Variants in ELK1 observed in about 807,000 individuals in gnomAD.
ELK1 encodes ETS transcription factor ELK1.
For missense variants in ELK1, 254 were observed against 381.5 expected (o/e 0.67, Z 2.78); for synonymous variants, 163 against 176.3 (o/e 0.92, Z 0.60).
chrX:47,639,404 G>A (rs979893181), intron 3 of ELK1, 66 bp from the exon 4 acceptor site: 35 of 906,486 alleles, frequency 3.9e-5, no homozygotes, highest in Non-Finnish European at 5.2e-5. Context: ...AGGGTGTCAG[G>A]GGGGAGGAGG....
chrX:47,645,673 G>T (rs144610322), intron 2 of ELK1, among the ~76,000 whole-genome samples: 108 of 112,279 alleles, frequency 9.6e-4, no homozygotes, highest in Non-Finnish European at 1.5e-3. Flanking sequence ...GTGTACAAAG[G>T]CTCTGAGGCA....
rs745980667 is a variant in ELK1, at chrX:47,642,734, G to A, written c.-34-1259C>T. ...ATGCCTCAGCCTCCCGCATAGCTGG[G>A]ATTACAGGTACCCACGACCACGCCC... On this transcript the variant is annotated intron_variant, in intron 2 of 6. Transcript: ENST00000376983. Among the ~76,000 whole-genome samples the A allele has an allele frequency of 3.1e-4, 34 of 110,012 alleles. 1 individual carries two copies. Among genetic ancestry groups the A allele is most frequent in the Non-Finnish European group, 6.1e-4 (32 of 52,743 alleles).
chrX:47,642,829 C>A (rs776077420), intron 2 of ELK1, among the ~76,000 whole-genome samples: 37 of 111,686 alleles, frequency 3.3e-4, no homozygotes, highest in Admixed American at 7.6e-4. Context: ...GAACTCCTGA[C>A]CTCAAGTGAT....
At position 47,637,925 on chromosome X, in the gene ELK1, G is replaced by T. The variant is rs770629454; in HGVS notation, c.912C>A (p.Ser304Arg). ...AGQAGGHAAS[S>R]PEISQPQKGR... The stretch of plus-strand genomic sequence containing the variant: ...CCTTCTGCGGCTGGGAGATCTCAGG[G>T]CTGGAAGCCGCATGGCCGCCCGCCT... The change falls in exon 5 of 7, where the codon AGC (serine) becomes AGA (arginine). Residue 304 changes from serine to arginine, a missense_variant. Coordinates refer to ENST00000376983, the MANE Select transcript of ELK1 (RefSeq NM_001114123.3). 1.7e-6 allele frequency: 2 copies of T among 1,204,820 alleles called. No homozygotes were observed. Among genetic ancestry groups the T allele is most frequent in the South Asian group, 3.6e-5 (2 of 56,269 alleles).
At chrX:47,650,384 C>T (rs752777642) in intron 1 of ELK1, 39 bp downstream of exon 1, 5 of 297,276 alleles carry the variant, frequency 1.7e-5, no homozygotes, top group South Asian at 1.2e-4. Flanking sequence ...TACGTGGGGT[C>T]ACGGACTGGG....
At chrX:47,644,339 C>T (rs753205508) in intron 2 of ELK1, among the ~76,000 whole-genome samples, 1 of 111,397 alleles carries the variant, frequency 9.0e-6, no homozygotes, top group East Asian at 2.8e-4. Context: ...TACTTCTTTC[C>T]ATCTCCTTCA....
intron 6 of ELK1, 26 bp downstream of exon 6, chrX:47,636,987 T>A (rs372203607): frequency 6.7e-6 from 8 of 1,201,980 alleles, no homozygotes; most frequent in Middle Eastern, 2.3e-4. Flanking sequence ...TCTCACCCTG[T>A]CCAAAACGGG....
chrX:47,636,669 A>G lies in ELK1; in HGVS notation c.*160T>C, dbSNP rs1055281570. 7 of 490,806 alleles carry G rather than the reference A, an allele frequency of 1.4e-5. No homozygotes were observed. The highest frequency in any genetic ancestry group is 2.4e-5 in the African/African-American group (1 of 41,441). The allele number at this position is 490,806 out of a possible 1,213,427, so 40.4% of individuals were successfully genotyped here. A position where few individuals can be genotyped will look rare whatever the true frequency, so the allele number is the denominator to read the frequency against. Reference sequence around the variant, plus strand: ...CTGTGTGTTTTCTGTGGAGGAGATAATGAGAGTTACTCTTGGGAGTAATTC... The same window carrying G: ...CTGTGTGTTTTCTGTGGAGGAGATAGTGAGAGTTACTCTTGGGAGTAATTC... On this transcript the variant is annotated 3_prime_UTR_variant, in exon 7 of 7. Transcript: ENST00000376983.
intron 2 of ELK1, among the ~76,000 whole-genome samples, chrX:47,642,667 T>C (rs906809542): frequency 9.2e-6 from 1 of 108,711 alleles, no homozygotes; most frequent in African/African-American, 3.4e-5. Context: ...GGCACAATCT[T>C]GACTCACTGC....
At chrX:47,644,811 T>C (rs940677923) in intron 2 of ELK1, among the ~76,000 whole-genome samples, 2 of 110,333 alleles carry the variant, frequency 1.8e-5, no homozygotes, top group African/African-American at 6.6e-5. Context: ...CCAGGCTTTT[T>C]CGGGTGCTGT....
At chrX:47,637,663 C>A in intron 5 of ELK1, 88 bp downstream of exon 5, 2 of 1,049,609 alleles carry the variant, frequency 1.9e-6, no homozygotes, top group South Asian at 4.4e-5. Context: ...ACCACACTCA[C>A]CCTCCTCTGA....
chrX:47,646,821 C>T (rs770808469), intron 2 of ELK1, among the ~76,000 whole-genome samples: 1 of 112,017 alleles, frequency 8.9e-6, no homozygotes, highest in Admixed American at 9.4e-5. Context: ...TATCTGGCTC[C>T]CATCACCTGT....
chrX:47,640,639 TAAG>T (rs988133877), intron 3 of ELK1, among the ~76,000 whole-genome samples: 2 of 111,616 alleles, frequency 1.8e-5, no homozygotes, highest in African/African-American at 6.5e-5. Context: ...TCTGGGAATT[TAAG>T]AAGACAGTGT....
intron 3 of ELK1, among the ~76,000 whole-genome samples, chrX:47,640,217 G>C (rs981724007): frequency 9.0e-6 from 1 of 111,340 alleles, no homozygotes; most frequent in Non-Finnish European, 1.9e-5. Context: ...AGGGCAGAGT[G>C]AGATAGCCTC....
chrX:47,637,217 C>T lies in ELK1; in HGVS notation c.1087-103G>A, dbSNP rs1603089400. 3.7e-6 allele frequency: 3 copies of T among 800,144 alleles called. No homozygotes were observed. In the East Asian group the frequency reaches 1.0e-4, roughly 28 times the overall value. 65.9% of individuals were successfully genotyped at this position (800,144 alleles called of 1,213,427 possible). ...CACCACAGATTTCCCACTCACACTC[C>T]CAGGGTCACTCCCCAAAGTGCACAC... On this transcript the variant is annotated intron_variant, in intron 5 of 6. Coordinates refer to ENST00000376983, the MANE Select transcript of ELK1 (RefSeq NM_001114123.3).
rs1310179982 is a variant in ELK1 at position 47,637,014 on chromosome X, T to C, written c.1187A>G (p.Gln396Arg). ...CAAAACGGGGAAAGAGGATCCTACC[T>C]GGAAGGAGAGCTTGGCCGGGCTACG... is the stretch of plus-strand genomic sequence containing the variant. ...APRSPAKLSFQFPSSGSAQVH... is the reference protein window; with the variant it reads ...APRSPAKLSFRFPSSGSAQVH... Residue 396 changes from glutamine (Q) to arginine (R), a missense_variant and splice_region_variant, in exon 6 of 7, where the codon CAG (glutamine) becomes CGG (arginine). Transcript: ENST00000376983. 8.3e-7 allele frequency: 1 copy of C among 1,209,736 alleles called. No individual in the cohort carries two copies.
Position 47,641,333 on chromosome X carries a change from C to T in ELK1, c.109G>A (p.Val37Met). The change falls in exon 3 of 7, where the codon GTG becomes ATG. Residue 37 changes from valine (V) to methionine (M), a missense_variant. Physicochemically the swap from Val to Met is conservative, Grantham distance 21 (BLOSUM62 1). Transcript: ENST00000376983. ...AGCCGGGCCACCTCCTCTGCATCCACCAGCTTGAATTCACCACCATCCCGT... is the reference window on the plus strand; with the variant it reads ...AGCCGGGCCACCTCCTCTGCATCCATCAGCTTGAATTCACCACCATCCCGT... ...TSRDGGEFKL[V>M]DAEEVARLWG... 8.3e-7 allele frequency: 1 copy of T among 1,211,880 alleles called. No homozygotes were observed. Among genetic ancestry groups the T allele is most frequent in the African/African-American group, 1.7e-5 (1 of 57,764 alleles).
At chrX:47,650,146 GC>G (rs1265803625) in intron 1 of ELK1, 120 bp from the exon 2 acceptor site, 1 of 120,456 alleles carries the variant, frequency 8.3e-6, no homozygotes, top group Admixed American at 9.5e-5. Context: ...TAGGGGGAAA[GC>G]CTATGGACGA....
chrX:47,636,844 C>A lies in ELK1; in HGVS notation c.1272G>T (p.Gly424=). The change falls in exon 7 of 7, where the codon GGG becomes GGT. Residue 424 remains glycine (G), a synonymous_variant. Transcript: ENST00000376983. ...GTGGTAGTAGTCATGGCTTCTGGGG[C>A]CCTGGGGAGAGCACCACGGGGGTCG... ...GLSTPVVLSP[G]PQKP is the part of the protein sequence containing the mutation. 8.7e-7 allele frequency: 1 copy of A among 1,151,371 alleles called. No homozygotes were observed. Among genetic ancestry groups the A allele is most frequent in the Non-Finnish European group, 1.2e-6 (1 of 863,302 alleles). 94.9% of individuals were successfully genotyped at this position (1,151,371 alleles called of 1,213,427 possible). A position where few individuals can be genotyped will look rare whatever the true frequency, so the allele number is the denominator to read the frequency against.
Sources: allele counts gnomAD v4.1 joint callset (sites outside exome capture counted in the v4.1 genomes callset), GRCh38; gene constraint gnomAD v4.1.1; transcripts MANE v1.5; gene names NCBI Gene and HGNC (gene_info 2026-07-23, HGNC 2026-07-21).